Variants in KCNIP1 observed in about 807,000 individuals in gnomAD.
KCNIP1 encodes A-type potassium channel modulatory protein KCNIP1.
Under a neutral mutation model 33.0 loss-of-function variants are expected in KCNIP1, and 18 were observed. The observed-to-expected ratio is 0.55, with a 90% CI of 0.38 to 0.81. The LOEUF (loss-of-function observed/expected upper bound fraction) is 0.81, where lower values mean the gene tolerates loss of function less well. KCNIP1 is among the 30% of genes least tolerant of loss of function. The pLI is 0.00. For missense variants in KCNIP1, 238 were observed against 271.6 expected (o/e 0.88, Z 0.87); for synonymous variants, 93 against 98.3 (o/e 0.95, Z 0.32).
chr5:170,560,434 T>C (rs901412856), intron 1 of KCNIP1, among the ~76,000 whole-genome samples: 10 of 152,140 alleles, frequency 6.6e-5, no homozygotes, highest in Non-Finnish European at 1.5e-4. Context: ...AGTCTTATGA[T>C]GGACTCTGTG....
chr5:170,599,461 AC>A (rs1254816140), intron 1 of KCNIP1, among the ~76,000 whole-genome samples: 1 of 152,162 alleles, frequency 6.6e-6, no homozygotes, highest in Non-Finnish European at 1.5e-5. Context: ...AACCCTTCAG[AC>A]TTACATACCC....
intron 5 of KCNIP1, among the ~76,000 whole-genome samples, chr5:170,724,473 C>A (rs1045913736): frequency 6.7e-4 from 102 of 152,136 alleles, no homozygotes; most frequent in African/African-American, 2.4e-3. Flanking sequence ...GTTGGTTTAA[C>A]ATTCAAAAAC....
chr5:170,618,542 G>GGAA (rs1759483821), intron 1 of KCNIP1, among the ~76,000 whole-genome samples: 1 of 104,100 alleles, frequency 9.6e-6, no homozygotes, highest in Non-Finnish European at 2.1e-5. Context: ...GAGGAAAGGA[G>GGAA]GGAGGAGGGA....
intron 1 of KCNIP1, among the ~76,000 whole-genome samples, chr5:170,519,794 G>C (rs181683306): frequency 1.4e-4 from 22 of 152,270 alleles, no homozygotes; most frequent in Non-Finnish European, 3.2e-4. Context: ...TAAACATGTA[G>C]AGTGCAGACA....
At chr5:170,646,995 G>A (rs1760811503) in intron 1 of KCNIP1, among the ~76,000 whole-genome samples, 1 of 151,988 alleles carries the variant, frequency 6.6e-6, no homozygotes, top group South Asian at 2.1e-4. Context: ...CATTTACATT[G>A]GTAAGGTATA....
chr5:170,483,401 C>T (rs898015030), intron 1 of KCNIP1, among the ~76,000 whole-genome samples: 2 of 152,244 alleles, frequency 1.3e-5, no homozygotes, highest in African/African-American at 2.4e-5. Context: ...TAGCCATCCT[C>T]TCCATTTTAA....
At chr5:170,650,147 T>G (rs1760985083) in intron 1 of KCNIP1, among the ~76,000 whole-genome samples, 1 of 152,164 alleles carries the variant, frequency 6.6e-6, no homozygotes, top group African/African-American at 2.4e-5. Flanking sequence ...CAAATTCCTT[T>G]TTATAAAAAA....
intron 1 of KCNIP1, among the ~76,000 whole-genome samples, chr5:170,397,363 G>C (rs1033914666): frequency 6.6e-6 from 1 of 152,184 alleles, no homozygotes; most frequent in Non-Finnish European, 1.5e-5. Context: ...AGTTTCCAGG[G>C]CAGAGCCAGC....
intron 1 of KCNIP1, among the ~76,000 whole-genome samples, chr5:170,629,651 G>A (rs974574599): frequency 6.6e-6 from 1 of 152,240 alleles, no homozygotes; most frequent in Non-Finnish European, 1.5e-5. Context: ...CCCTCCCCCT[G>A]CAGGGTGGCA....
At chr5:170,528,969 C>A (rs1326463132) in intron 1 of KCNIP1, among the ~76,000 whole-genome samples, 1 of 152,162 alleles carries the variant, frequency 6.6e-6, no homozygotes, top group East Asian at 1.9e-4. Context: ...CAAAGATTGC[C>A]CCATAGTCTC....
chr5:170,424,079 G>A (rs747158292), intron 1 of KCNIP1, among the ~76,000 whole-genome samples: 3 of 152,108 alleles, frequency 2.0e-5, no homozygotes, highest in Non-Finnish European at 2.9e-5. Context: ...ATCATTCATC[G>A]CCATCACTGC....
chr5:170,474,152 C>T (rs1222609763), intron 1 of KCNIP1, among the ~76,000 whole-genome samples: 2 of 152,150 alleles, frequency 1.3e-5, no homozygotes, highest in Non-Finnish European at 2.9e-5. Flanking sequence ...ATTAGTAAAA[C>T]AATCTGTATC....
intron 1 of KCNIP1, among the ~76,000 whole-genome samples, chr5:170,557,383 T>C: frequency 6.6e-6 from 1 of 152,172 alleles, no homozygotes; most frequent in Admixed American, 6.5e-5. Context: ...CAAAGAGGTG[T>C]GGCCTGGAGA....
intron 1 of KCNIP1, among the ~76,000 whole-genome samples, chr5:170,386,444 C>G (rs1381902733): frequency 6.6e-6 from 1 of 152,178 alleles, no homozygotes; most frequent in Non-Finnish European, 1.5e-5. Flanking sequence ...TTGAGGCCGT[C>G]AGGTTTATGA....
upstream of KCNIP1, chr5:170,503,926 G>C (rs1754582779): frequency 3.9e-6 from 2 of 513,132 alleles, no homozygotes; most frequent in Non-Finnish European, 5.0e-6. Flanking sequence ...GCAGGGCTGG[G>C]CGTCCCCCGC....
intron 1 of KCNIP1, among the ~76,000 whole-genome samples, chr5:170,478,909 T>TA (rs10609881): frequency 1.2e-3 from 171 of 143,298 alleles, no homozygotes; most frequent in African/African-American, 3.7e-3. Context: ...AAAAGGAAGA[T>TA]AAAAAAAAAA....
intron 1 of KCNIP1, among the ~76,000 whole-genome samples, chr5:170,356,890 G>A (rs956001759): frequency 6.6e-6 from 1 of 152,170 alleles, no homozygotes; most frequent in African/African-American, 2.4e-5. Context: ...TCTGAAGTCT[G>A]TTTAGCTGCA....
chr5:170,678,436 G>T (rs1762220804), intron 1 of KCNIP1: 1 of 152,198 alleles, frequency 6.6e-6, no homozygotes, highest in African/African-American at 2.4e-5. Context: ...AAAGTTCAAG[G>T]TTAGGAGACA....
At chr5:170,628,954 C>T (rs1428038921) in intron 1 of KCNIP1, among the ~76,000 whole-genome samples, 3 of 152,184 alleles carry the variant, frequency 2.0e-5, no homozygotes, top group East Asian at 1.9e-4. Flanking sequence ...CTGAGGTCAG[C>T]GCTGGCCACA....
Sources: allele counts gnomAD v4.1 joint callset (sites outside exome capture counted in the v4.1 genomes callset), GRCh38; gene constraint gnomAD v4.1.1; transcripts MANE v1.5; gene names NCBI Gene and HGNC (gene_info 2026-07-23, HGNC 2026-07-21).